Variants in ARHGAP33 observed in about 807,000 individuals in gnomAD.
The protein encoded by ARHGAP33 is Rho GTPase activating protein 33.
ARHGAP33 carries 57 observed loss-of-function variants against 126.2 expected under a neutral mutation model. That is an observed-to-expected ratio of 0.45 (90% CI 0.36 to 0.56). The LOEUF is 0.56. Ranked by LOEUF, ARHGAP33 falls within the 20% of genes least tolerant of loss-of-function variation. ARHGAP33 has a pLI of 0.00. For synonymous variants in ARHGAP33, 711 were observed against 755.0 expected, an observed-to-expected ratio of 0.94 and a Z score of 0.95; for missense variants, 1,500 against 1,748.3, an observed-to-expected ratio of 0.86 and a Z score of 2.53.
Position 35,787,449 on chromosome 19 carries a change from T to G in ARHGAP33, c.2884T>G (p.Trp962Gly), listed in dbSNP as rs770790767. ...PPNSLAHPGA[W>G]VPGPPPYLPR... ...CAACTCCCTAGCACACCCGGGTGCC[T>G]GGGTCCCGGGACCCCCACCCTACTT... is the stretch of plus-strand genomic sequence containing the variant. Residue 962 changes from tryptophan (W) to glycine (G), a missense_variant, in exon 21 of 21, where the codon TGG becomes GGG. Around this residue, in one of 6 missense-constraint regions of ARHGAP33, gnomAD observed 642 missense variants for 634.0 expected, o/e 1.01. Coordinates refer to ENST00000007510, the MANE Select transcript of ARHGAP33 (RefSeq NM_001366178.1). 6.2e-7 allele frequency: 1 copy of G among 1,612,114 alleles called. No homozygotes were observed. The highest frequency in any genetic ancestry group is 8.5e-7 in the Non-Finnish European group (1 of 1,179,300).
At position 35,788,320 on chromosome 19, in the gene ARHGAP33, C is replaced by A; in HGVS notation, c.3755C>A (p.Ser1252Tyr). 1 of 1,609,226 alleles carries A rather than the reference C, an allele frequency of 6.2e-7. No homozygotes were observed. The highest frequency in any genetic ancestry group is 8.5e-7 in the Non-Finnish European group (1 of 1,178,576). The change falls in exon 21 of 21, where the codon TCC (serine) becomes TAC (tyrosine). Residue 1252 changes from serine to tyrosine, a missense_variant. Physicochemically the swap from Ser to Tyr is moderately radical, Grantham distance 144. Transcript: ENST00000007510. ...AGGGGGGGCGAGCTCCACCGAGGGT[C>A]CTTGTACAGAAATGGAGGGCAAAGA... Reference protein sequence around the residue: ...YGRGGELHRGSLYRNGGQRGE... With the variant: ...YGRGGELHRGYLYRNGGQRGE...
Position 35,787,286 on chromosome 19 carries a change from G to C in ARHGAP33, c.2721G>C (p.Arg907=). Residue 907 remains arginine, a synonymous_variant, in exon 21 of 21, where the codon CGG becomes CGC. Coordinates refer to ENST00000007510, the MANE Select transcript of ARHGAP33 (RefSeq NM_001366178.1). ...TCATGGCCCTGGCCCTGGCTGAGCG[G>C]GCTCAGCAGGTGGCCGAGCAACAGA... The part of the protein sequence containing the change: ...ARLMALALAE[R]AQQVAEQQSQ... 8.1e-6 allele frequency: 13 copies of C among 1,612,488 alleles called. No homozygotes were observed. The highest frequency in any genetic ancestry group is 1.1e-5 in the Non-Finnish European group (13 of 1,179,560).
Position 35,782,623 on chromosome 19 carries a change from G to C in ARHGAP33, c.1257G>C (p.Glu419Asp), listed in dbSNP as rs761486070. The C allele has an allele frequency of 6.2e-7, 1 of 1,613,766 alleles. No homozygotes were observed. Among genetic ancestry groups the C allele is most frequent in the South Asian group, 1.1e-5 (1 of 91,020 alleles). Reference protein sequence around the residue: ...FSEAMSVPGEEERLVRVHDVI... With the variant: ...FSEAMSVPGEDERLVRVHDVI... ...AGGCCATGTCAGTGCCTGGGGAGGA[G>C]GAGCGTCTGGTGCGGGTGCACGATG... Residue 419 changes from glutamate (E) to aspartate (D), a missense_variant, in exon 14 of 21, where the codon GAG (glutamate) becomes GAC (aspartate). Around this residue, in one of 6 missense-constraint regions of ARHGAP33, gnomAD observed 281 missense variants for 413.7 expected, o/e 0.68. Transcript: ENST00000007510. The surrounding 1 kb of genome is among the most constrained non-coding windows in gnomAD (Gnocchi z 4.1).
chr19:35,783,959 T>C (rs73592484), intron 15 of ARHGAP33, among the ~76,000 whole-genome samples: 15,655 of 150,834 alleles, frequency 0.1, 992 homozygotes, highest in East Asian at 0.16. Flanking sequence ...CCCCAAGGTG[T>C]TTGGCCAGAG....
rs959723516 is a variant in ARHGAP33, at chr19:35,779,075, G to T, written c.452G>T (p.Gly151Val). The change falls in exon 6 of 21, where the codon GGA (glycine) becomes GTA (valine). Residue 151 changes from glycine to valine, a missense_variant. Coordinates refer to ENST00000007510, the MANE Select transcript of ARHGAP33 (RefSeq NM_001366178.1). The part of the protein sequence containing the change: ...LLLQYLETLS[G>V]LVDSNLNCGP... ...CTGCAGTACCTGGAGACACTGTCAG[G>T]ACTGGTGGACAGTAACCTCAACTGC... 4 of 1,551,454 alleles carry T rather than the reference G, an allele frequency of 2.6e-6. No individual in the cohort carries two copies. Among genetic ancestry groups the T allele is most frequent in the Non-Finnish European group, 3.5e-6 (4 of 1,147,174 alleles).
At position 35,786,373 on chromosome 19, in the gene ARHGAP33, C is replaced by A; in HGVS notation, c.1943-40C>A. The stretch of plus-strand genomic sequence containing the variant: ...CCCAGCTTTCTGTGGGGCTGTGCGC[C>A]CTGTTCTCAGGGATGGTCTCACTGA... On this transcript the variant is annotated intron_variant, in intron 19 of 20. Coordinates refer to ENST00000007510, the MANE Select transcript of ARHGAP33 (RefSeq NM_001366178.1). This position sits in a 1 kb window ranked among gnomAD's most constrained non-coding sequence, Gnocchi z 7.0. The A allele has an allele frequency of 6.7e-7, 1 of 1,499,650 alleles. No individual in the cohort carries two copies. The highest frequency in any genetic ancestry group is 2.5e-5 in the East Asian group (1 of 40,586). 92.9% of individuals were successfully genotyped at this position (1,499,650 alleles called of 1,614,324 possible). A position where few individuals can be genotyped will look rare whatever the true frequency, so the allele number is the denominator to read the frequency against.
Position 35,787,470 on chromosome 19 carries a change from T to C in ARHGAP33, c.2905T>C (p.Tyr969His), listed in dbSNP as rs1342183892. The change falls in exon 21 of 21, where the codon TAC becomes CAC. Residue 969 changes from tyrosine (Y) to histidine (H), a missense_variant. By Grantham distance (83) the Tyr-to-His change is moderately conservative. Around this residue, in one of 6 missense-constraint regions of ARHGAP33, gnomAD observed 642 missense variants for 634.0 expected, o/e 1.01. Coordinates refer to ENST00000007510, the MANE Select transcript of ARHGAP33 (RefSeq NM_001366178.1). ...TGCCTGGGTCCCGGGACCCCCACCC[T>C]ACTTACCAAGGCAACAAAGTGATGG... ...PGAWVPGPPP[Y>H]LPRQQSDGSL... is the part of the protein sequence containing the mutation. 1.2e-6 allele frequency: 2 copies of C among 1,612,300 alleles called. No individual in the cohort carries two copies. Among genetic ancestry groups the C allele is most frequent in the East Asian group, 4.5e-5 (2 of 44,860 alleles).
At position 35,782,793 on chromosome 19, in the gene ARHGAP33, C is replaced by T. The variant is rs930001532; in HGVS notation, c.1345C>T (p.Arg449Cys). 4 of 1,613,618 alleles carry T rather than the reference C, an allele frequency of 2.5e-6. No homozygotes were observed. The highest frequency in any genetic ancestry group is 1.3e-5 in the African/African-American group (1 of 74,914). ...GGAGTACCTGCTGAGGCACCTGGCC[C>T]GCATGGCGAGACACAGTGCCAACAC... ...TLEYLLRHLA[R>C]MARHSANTSM... The change falls in exon 15 of 21, where the codon CGC becomes TGC. Residue 449 changes from arginine to cysteine, a missense_variant. Arg to Cys is a radical substitution (Grantham distance 180). Transcript: ENST00000007510. This position sits in a 1 kb window ranked among gnomAD's most constrained non-coding sequence, Gnocchi z 4.1.
chr19:35,786,745 G>A lies in ARHGAP33; in HGVS notation c.2275G>A (p.Ala759Thr), dbSNP rs890868816. ...CACCCCAGGGGATCCCGCACCTCCC[G>A]CCAGCCCAGCACCCCCCGCCCCTGC... is the stretch of plus-strand genomic sequence containing the variant. ...SPTPGDPAPP[A>T]SPAPPAPASA... is the part of the protein sequence containing the mutation. Residue 759 changes from alanine to threonine, a missense_variant, in exon 20 of 21, where the codon GCC (alanine) becomes ACC (threonine). This residue lies in a region of ARHGAP33 where 73 missense variants were observed against 110.8 expected (regional missense o/e 0.66). Transcript: ENST00000007510. This position sits in a 1 kb window ranked among gnomAD's most constrained non-coding sequence, Gnocchi z 7.0. 2.2e-5 allele frequency: 33 copies of A among 1,507,916 alleles called. No homozygotes were observed. Among genetic ancestry groups the A allele is most frequent in the Middle Eastern group, 1.9e-4 (1 of 5,376 alleles). The allele number at this position is 1,507,916 out of a possible 1,614,324, so 93.4% of individuals were successfully genotyped here. A position where few individuals can be genotyped will look rare whatever the true frequency, so the allele number is the denominator to read the frequency against.
Position 35,780,577 on chromosome 19 carries a change from C to T in ARHGAP33, c.703-5C>T. ...GGCCCAGCTACTGACCCTGACCTTC[C>T]TCAGGTCGGGTTCTTCCCCAGTGAG... On this transcript the variant is annotated splice_polypyrimidine_tract_variant and splice_region_variant and intron_variant, in intron 8 of 20. Transcript: ENST00000007510. 1 of 1,613,626 alleles carries T rather than the reference C, an allele frequency of 6.2e-7. No individual in the cohort carries two copies. Among genetic ancestry groups the T allele is most frequent in the Non-Finnish European group, 8.5e-7 (1 of 1,179,928 alleles).
Position 35,779,029 on chromosome 19 carries a change from C to T in ARHGAP33, c.409-3C>T. ...GAGGCCCACTCTGACAACCTGCCCC[C>T]AGATGCTGGTGCCACTGCTGCTGCA... On this transcript the variant is annotated splice_region_variant and splice_polypyrimidine_tract_variant and intron_variant, in intron 5 of 20. Coordinates refer to ENST00000007510, the MANE Select transcript of ARHGAP33 (RefSeq NM_001366178.1). 2 of 1,550,014 alleles carry T rather than the reference C, an allele frequency of 1.3e-6. No individual in the cohort carries two copies. Among genetic ancestry groups the T allele is most frequent in the Non-Finnish European group, 1.7e-6 (2 of 1,146,886 alleles).
At chr19:35,776,553 ATCTG>A (rs1380347608) in intron 1 of ARHGAP33, among the ~76,000 whole-genome samples, 2 of 152,150 alleles carry the variant, frequency 1.3e-5, no homozygotes, top group African/African-American at 4.8e-5. Context: ...AGCCCAGTGA[ATCTG>A]TCTGGCAGCT....
Position 35,780,438 on chromosome 19 carries a change from G to A in ARHGAP33, c.642G>A (p.Ser214=), listed in dbSNP as rs899359175. The A allele has an allele frequency of 1.3e-5, 21 of 1,596,566 alleles. No homozygotes were observed. Among genetic ancestry groups the A allele is most frequent in the African/African-American group, 4.0e-5 (3 of 74,524 alleles). The part of the protein sequence containing the change: ...ELSFEVGDIV[S]VIDMPPTEDR... ...TCTCCCAGGTGGGAGACATTGTCTC[G>A]GTGATCGACATGCCACCCACAGAGG... is the stretch of plus-strand genomic sequence containing the variant. The change falls in exon 8 of 21, where the codon TCG becomes TCA. Residue 214 remains serine (S), a synonymous_variant. Coordinates refer to ENST00000007510, the MANE Select transcript of ARHGAP33 (RefSeq NM_001366178.1).
At chr19:35,781,839 G>T (rs1971803702) in intron 12 of ARHGAP33, among the ~76,000 whole-genome samples, 1 of 152,172 alleles carries the variant, frequency 6.6e-6, no homozygotes, top group African/African-American at 2.4e-5. Flanking sequence ...CCGCAGGAGG[G>T]CTCTGAGCCG....
Position 35,785,463 on chromosome 19 carries a change from C to CA in ARHGAP33, c.1923dup (p.Ser642IlefsTer49), listed in dbSNP as rs753357617. 6.2e-7 allele frequency: 1 copy of CA among 1,614,194 alleles called. No homozygotes were observed. The highest frequency in any genetic ancestry group is 8.5e-7 in the Non-Finnish European group (1 of 1,180,040). ...TCTGCCAAGAGCGAGGAGTCTCTGT[C>CA]ATCGCAGGCCAGCGGGGCTGGTGAG... On this transcript the variant is annotated frameshift_variant, in exon 19 of 21. Transcript: ENST00000007510. LOFTEE classifies it high-confidence loss of function.
In ARHGAP33 at chr19:35,787,864, C is replaced by G. The variant is rs139992316; in HGVS notation, c.3299C>G (p.Pro1100Arg). The G allele has an allele frequency of 1.2e-6, 2 of 1,609,434 alleles. No homozygotes were observed. The highest frequency in any genetic ancestry group is 1.1e-5 in the South Asian group (1 of 90,876). The change falls in exon 21 of 21, where the codon CCC (proline) becomes CGC (arginine). Residue 1100 changes from proline (P) to arginine (R), a missense_variant. By Grantham distance (103) the Pro-to-Arg change is moderately radical. Around this residue, in one of 6 missense-constraint regions of ARHGAP33, gnomAD observed 642 missense variants for 634.0 expected, o/e 1.01. Transcript: ENST00000007510. ...AGTGAGGGGTCCCCCTATTCTGGCC[C>G]CACCCGCTCCTGGAGTCCCTTTCGC... Reference protein sequence around the residue: ...GASEGSPYSGPTRSWSPFRSM... With the variant: ...GASEGSPYSGRTRSWSPFRSM...
At position 35,782,542 on chromosome 19, in the gene ARHGAP33, G is replaced by T. The variant is rs1432845542; in HGVS notation, c.1230+25G>T. On this transcript the variant is annotated intron_variant, in intron 13 of 20. Coordinates refer to ENST00000007510, the MANE Select transcript of ARHGAP33 (RefSeq NM_001366178.1). This position sits in a 1 kb window ranked among gnomAD's most constrained non-coding sequence, Gnocchi z 4.1. ...TGTGAGTAAGGGAGCTGGCGGGACG[G>T]AGGGGGCCGGGACGCCTCTGGCCCA... The T allele has an allele frequency of 6.2e-7, 1 of 1,613,454 alleles. No individual in the cohort carries two copies. The highest frequency in any genetic ancestry group is 1.1e-5 in the South Asian group (1 of 90,988).
chr19:35,781,045 G>A lies in ARHGAP33; in HGVS notation c.955G>A (p.Glu319Lys), dbSNP rs2035990279. ...GAGGGTGTTTGGCTGCGATCTTGGC[G>A]AGCACCTCAGCAACTCAGGCCAGGA... ...RQRVFGCDLGEHLSNSGQDVP... is the reference protein window; with the variant it reads ...RQRVFGCDLGKHLSNSGQDVP... The change falls in exon 11 of 21, where the codon GAG (glutamate) becomes AAG (lysine). Residue 319 changes from glutamate to lysine, a missense_variant. By Grantham distance (56) the Glu-to-Lys change is moderately conservative. This residue lies in a region of ARHGAP33 where 281 missense variants were observed against 413.7 expected (regional missense o/e 0.68). Coordinates refer to ENST00000007510, the MANE Select transcript of ARHGAP33 (RefSeq NM_001366178.1). 1.9e-6 allele frequency: 3 copies of A among 1,612,396 alleles called. No homozygotes were observed. Among genetic ancestry groups the A allele is most frequent in the Non-Finnish European group, 2.5e-6 (3 of 1,179,864 alleles).
Position 35,775,568 on chromosome 19 carries a change from T to TC in ARHGAP33, c.-87dup, listed in dbSNP as rs1971409363. 7.2e-7 allele frequency: 1 copy of TC among 1,390,026 alleles called. No homozygotes were observed. The highest frequency in any genetic ancestry group is 9.3e-7 in the Non-Finnish European group (1 of 1,072,138). The allele number at this position is 1,390,026 out of a possible 1,614,324, so 86.1% of individuals were successfully genotyped here. A position where few individuals can be genotyped will look rare whatever the true frequency, so the allele number is the denominator to read the frequency against. On this transcript the variant is annotated 5_prime_UTR_variant, in exon 1 of 21. Transcript: ENST00000007510. ...AGCCGCCCGCGCGCGGCTCGCGCCCTCCCCTTTGTGTCGCCATGGCGGCGG... is the reference window on the plus strand; with the variant it reads ...AGCCGCCCGCGCGCGGCTCGCGCCCTCCCCCTTTGTGTCGCCATGGCGGCGG...
Sources: allele counts gnomAD v4.1 joint callset (sites outside exome capture counted in the v4.1 genomes callset), GRCh38; gene constraint gnomAD v4.1.1; regional missense constraint gnomAD v4.1.1; non-coding constraint Gnocchi (gnomAD v3.1); transcripts MANE v1.5; gene names NCBI Gene and HGNC (gene_info 2026-07-23, HGNC 2026-07-21).